MAK16: variants seen among roughly 807,000 people sequenced by gnomAD.
MAK16 encodes the protein MAK16 homolog, also known as protein MAK16 homolog.
MAK16 carries 12 observed loss-of-function variants against 49.9 expected under a neutral mutation model. The ratio of observed to expected loss-of-function variants is 0.24; its 90% CI spans 0.15 to 0.39. The LOEUF is 0.39. Among genes scored for constraint, MAK16 ranks in the 10% least tolerant of loss-of-function variants. The probability of loss-of-function intolerance (pLI) is 1.00; values close to 1 mark genes in which losing one functional copy is unlikely to be tolerated. For missense variants in MAK16, 292 were observed against 363.7 expected, an observed-to-expected ratio of 0.80 and a Z score of 1.60; for synonymous variants, 115 against 126.4, an observed-to-expected ratio of 0.91 and a Z score of 0.60.
intron 9 of MAK16, 49 bp downstream of exon 9, chr8:33,497,346 A>G: frequency 7.6e-7 from 1 of 1,311,310 alleles, no homozygotes. Context: ...AGCAAAAAAA[A>G]AAAAAAAACA....
At chr8:33,494,813 C>G (rs1808830965) in intron 6 of MAK16, among the ~76,000 whole-genome samples, 1 of 151,686 alleles carries the variant, frequency 6.6e-6, no homozygotes, top group African/African-American at 2.4e-5. Context: ...GAGTCTTGCT[C>G]TGTTGCCCAG....
At position 33,488,590 on chromosome 8, in the gene MAK16, C is replaced by G. The variant is rs767601407; in HGVS notation, c.136C>G (p.Leu46Val). The G allele has an allele frequency of 6.2e-7, 1 of 1,614,158 alleles. No individual in the cohort carries two copies. The highest frequency in any genetic ancestry group is 8.5e-7 in the Non-Finnish European group (1 of 1,180,038). The change falls in exon 3 of 10, where the codon CTG becomes GTG. Residue 46 changes from leucine to valine, a missense_variant. Leu to Val is a conservative substitution (Grantham distance 32, BLOSUM62 1). Coordinates refer to ENST00000360128, the MANE Select transcript of MAK16 (RefSeq NM_032509.4). Reference protein sequence around the residue: ...TGLCNRSSCPLANSQYATIKE... With the variant: ...TGLCNRSSCPVANSQYATIKE... ...ACTGTGTAATCGGTCATCCTGTCCC[C>G]TGGCAAATAGTCAGTATGCCACTAT...
intron 8 of MAK16, 129 bp downstream of exon 8, chr8:33,496,870 G>A (rs1029772655): frequency 1.4e-6 from 1 of 711,780 alleles, no homozygotes; most frequent in African/African-American, 1.8e-5. Flanking sequence ...GATTAATTTT[G>A]GTTTAGCACT....
chr8:33,488,789 C>A lies in MAK16; in HGVS notation c.231C>A (p.Leu77=). ...VIERAAFPRR[L]WERVRLSKNY... ...AACGAGCGGCTTTTCCTCGGCGTCTCTGGGAACGGGTAAGCCTTACAACAA... is the reference window on the plus strand; with the variant it reads ...AACGAGCGGCTTTTCCTCGGCGTCTATGGGAACGGGTAAGCCTTACAACAA... Residue 77 remains leucine, a synonymous_variant, in exon 4 of 10, where the codon CTC becomes CTA. Coordinates refer to ENST00000360128, the MANE Select transcript of MAK16 (RefSeq NM_032509.4). 6.2e-7 allele frequency: 1 copy of A among 1,614,196 alleles called. No individual in the cohort carries two copies. The highest frequency in any genetic ancestry group is 8.5e-7 in the Non-Finnish European group (1 of 1,180,030).
At position 33,498,770 on chromosome 8, in the gene MAK16, C is replaced by T; in HGVS notation, c.*141C>T. On this transcript the variant is annotated 3_prime_UTR_variant, in exon 10 of 10. Coordinates refer to ENST00000360128, the MANE Select transcript of MAK16 (RefSeq NM_032509.4). ...ATATTTGTGTTTTTATTATTTATGCCACGTCAGTGGGGCAAGAAATCTGGA... is the reference window on the plus strand; with the variant it reads ...ATATTTGTGTTTTTATTATTTATGCTACGTCAGTGGGGCAAGAAATCTGGA... The T allele has an allele frequency of 2.7e-6, 2 of 749,992 alleles. No individual in the cohort carries two copies. The highest frequency in any genetic ancestry group is 2.7e-5 in the East Asian group (1 of 37,068). 46.5% of individuals were successfully genotyped at this position (749,992 alleles called of 1,614,324 possible).
chr8:33,499,430 T>A lies in MAK16; in HGVS notation c.*801T>A. On this transcript the variant is annotated 3_prime_UTR_variant, in exon 10 of 10. Transcript: ENST00000360128. ...ACTAAGCAGAATAGGTATTAGTTGG[T>A]TTTTTATTATTTTTAAATTTATATA... The A allele has an allele frequency of 1.6e-6, 1 of 612,762 alleles. No homozygotes were observed. 38.0% of individuals were successfully genotyped at this position (612,762 alleles called of 1,614,324 possible). A position where few individuals can be genotyped will look rare whatever the true frequency, so the allele number is the denominator to read the frequency against.
chr8:33,500,027 C>T lies in MAK16; in HGVS notation c.*1398C>T, dbSNP rs1445389436. On this transcript the variant is annotated 3_prime_UTR_variant, in exon 10 of 10. Coordinates refer to ENST00000360128, the MANE Select transcript of MAK16 (RefSeq NM_032509.4). ...TTTTTTTTAATTCAGAAGACTAGAA[C>T]AGAACTTAAATTTTACAAACTTTTG... is the stretch of plus-strand genomic sequence containing the variant. 8.8e-6 allele frequency: 2 copies of T among 227,820 alleles called. No individual in the cohort carries two copies. Among genetic ancestry groups the T allele is most frequent in the Non-Finnish European group, 1.7e-5 (2 of 115,858 alleles). 14.1% of individuals were successfully genotyped at this position (227,820 alleles called of 1,614,324 possible).
At chr8:33,492,493 C>G (rs1053926079) in intron 6 of MAK16, among the ~76,000 whole-genome samples, 4 of 152,138 alleles carry the variant, frequency 2.6e-5, no homozygotes, top group Admixed American at 2.6e-4. Context: ...GATCTATGAC[C>G]TGGAGTTTTC....
At chr8:33,486,341 C>A (rs1004099868) in intron 1 of MAK16, among the ~76,000 whole-genome samples, 2 of 152,056 alleles carry the variant, frequency 1.3e-5, no homozygotes, top group African/African-American at 2.4e-5. Flanking sequence ...TCGCTTGAGG[C>A]CAGGAGTTCG....
At chr8:33,493,867 G>A (rs1808814934) in intron 6 of MAK16, among the ~76,000 whole-genome samples, 1 of 151,762 alleles carries the variant, frequency 6.6e-6, no homozygotes, top group Admixed American at 6.6e-5. Context: ...GTTTTCAGCA[G>A]TGCCATATGT....
At chr8:33,490,250 A>G in intron 5 of MAK16, 35 bp from the exon 6 acceptor site, 1 of 1,559,068 alleles carries the variant, frequency 6.4e-7, no homozygotes, top group Non-Finnish European at 8.8e-7. Flanking sequence ...ACAGCACATG[A>G]CAGTGGATTT....
At chr8:33,498,116 A>G (rs913433111) in intron 9 of MAK16, among the ~76,000 whole-genome samples, 6 of 132,052 alleles carry the variant, frequency 4.5e-5, no homozygotes, top group Middle Eastern at 4.0e-3. Context: ...AAAAAAAAAA[A>G]TTAAAATTCA....
chr8:33,490,220 T>G (rs1242848742), intron 5 of MAK16, 65 bp from the exon 6 acceptor site: 25 of 1,359,308 alleles, frequency 1.8e-5, no homozygotes, highest in Non-Finnish European at 2.4e-5. Context: ...CCTTTTTTCT[T>G]CTCATCCTTA....
intron 8 of MAK16, 29 bp downstream of exon 8, chr8:33,496,770 T>G (rs766231780): frequency 6.8e-7 from 1 of 1,469,648 alleles, no homozygotes; most frequent in South Asian, 1.2e-5. Context: ...TTGCCAAACC[T>G]ACTAGATACC....
rs1454164289 is a variant in MAK16 at position 33,500,139 on chromosome 8, A to G, written c.*1510A>G. The G allele has an allele frequency of 6.4e-6, 4 of 620,194 alleles. No individual in the cohort carries two copies. Among genetic ancestry groups the G allele is most frequent in the African/African-American group, 1.9e-5 (1 of 54,046 alleles). The allele number at this position is 620,194 out of a possible 1,614,324, so 38.4% of individuals were successfully genotyped here. On this transcript the variant is annotated 3_prime_UTR_variant, in exon 10 of 10. Coordinates refer to ENST00000360128, the MANE Select transcript of MAK16 (RefSeq NM_032509.4). ...TGCCTTTAGTTCTAAATGGTTCTGA[A>G]TAGCTTTAAAAGATGAATAAGAAAA...
rs1808745304 is a variant in MAK16 at position 33,489,587 on chromosome 8, C to A, written c.392+448C>A. On this transcript the variant is annotated intron_variant, in intron 5 of 9. Transcript: ENST00000360128. The surrounding 1 kb of genome is among the most constrained non-coding windows in gnomAD (Gnocchi z 4.2). ...TAGAGATGGGGTTTCACCATGTTGGCCAGGCTGGTCTAGAATTCCTGACCT... is the reference window on the plus strand; with the variant it reads ...TAGAGATGGGGTTTCACCATGTTGGACAGGCTGGTCTAGAATTCCTGACCT... 6.6e-6 allele frequency among the ~76,000 whole-genome samples: 1 copy of A among 152,028 alleles called. No individual in the cohort carries two copies. The highest frequency in any genetic ancestry group is 2.4e-5 in the African/African-American group (1 of 41,392).
In MAK16 at chr8:33,499,567, G is replaced by C. The variant is rs1808988231; in HGVS notation, c.*938G>C. On this transcript the variant is annotated 3_prime_UTR_variant, in exon 10 of 10. Transcript: ENST00000360128. ...GCCAAGGCAAATTCAGTTGGATCTA[G>C]GGCTTGAAAACTGCCCAAGATTAAA... The C allele has an allele frequency of 6.2e-6, 2 of 321,236 alleles. No individual in the cohort carries two copies. The highest frequency in any genetic ancestry group is 5.8e-6 in the Non-Finnish European group (1 of 171,986). 19.9% of individuals were successfully genotyped at this position (321,236 alleles called of 1,614,324 possible). A position where few individuals can be genotyped will look rare whatever the true frequency, so the allele number is the denominator to read the frequency against.
rs1012200875 is a variant in MAK16 at position 33,498,807 on chromosome 8, A to C, written c.*178A>C. 9.4e-6 allele frequency: 6 copies of C among 638,180 alleles called. No homozygotes were observed. Among genetic ancestry groups the C allele is most frequent in the Non-Finnish European group, 1.6e-5 (6 of 370,968 alleles). The allele number at this position is 638,180 out of a possible 1,614,324, so 39.5% of individuals were successfully genotyped here. A position where few individuals can be genotyped will look rare whatever the true frequency, so the allele number is the denominator to read the frequency against. ...GCAAGAAATCTGGAGTGAGTGAAGA[A>C]AGCTAAGTTGTGAACAAGAGTGTTT... On this transcript the variant is annotated 3_prime_UTR_variant, in exon 10 of 10. Transcript: ENST00000360128.
intron 7 of MAK16, 47 bp from the exon 8 acceptor site, chr8:33,496,578 G>A (rs753672034): frequency 2.8e-6 from 4 of 1,419,252 alleles, no homozygotes; most frequent in East Asian, 4.6e-5. Context: ...AACTTCAAGT[G>A]TAATATCCAA....
Sources: allele counts gnomAD v4.1 joint callset (sites outside exome capture counted in the v4.1 genomes callset), GRCh38; gene constraint gnomAD v4.1.1; non-coding constraint Gnocchi (gnomAD v3.1); transcripts MANE v1.5; gene names NCBI Gene and HGNC (gene_info 2026-07-23, HGNC 2026-07-21).